RSPH3: variants seen among roughly 807,000 people sequenced by gnomAD.
RSPH3 encodes radial spoke head protein 3 homolog.
A neutral mutation model predicts 43.8 loss-of-function variants in RSPH3; 21 were observed. The observed-to-expected ratio is 0.48, with a 90% CI of 0.34 to 0.69. The LOEUF is 0.69. Ranked by LOEUF, RSPH3 falls within the 30% of genes least tolerant of loss-of-function variation. The pLI is 0.01. For missense variants in RSPH3, 487 were observed against 516.0 expected (o/e 0.94, Z 0.54); for synonymous variants, 173 against 179.8 (o/e 0.96, Z 0.30).
intron 6 of RSPH3, 67 bp downstream of exon 6, chr6:158,980,707 G>A: frequency 1.6e-6 from 2 of 1,264,754 alleles, no homozygotes; most frequent in South Asian, 2.7e-5. Context: ...ATGGACATAA[G>A]ATAAATTTGA....
intron 2 of RSPH3, among the ~76,000 whole-genome samples, chr6:158,993,126 CT>C (rs371960773): frequency 0.018 from 2,719 of 147,234 alleles, 34 homozygotes; most frequent in Middle Eastern, 0.025. Context: ...AAAATTGGGG[CT>C]TTTTTTTTTG....
chr6:158,990,183 TTA>T (rs149608030), intron 2 of RSPH3, among the ~76,000 whole-genome samples: 4 of 150,502 alleles, frequency 2.7e-5, no homozygotes, highest in South Asian at 2.1e-4. Context: ...AAACTCTCCT[TTA>T]TATATATATA....
In RSPH3 at chr6:158,977,229, C is replaced by T. The variant is rs780912835; in HGVS notation, c.*309G>A. The T allele has an allele frequency of 1.3e-4, 37 of 281,922 alleles. No individual in the cohort carries two copies. Among genetic ancestry groups the T allele is most frequent in the African/African-American group, 6.6e-4 (30 of 45,454 alleles). The allele number at this position is 281,922 out of a possible 1,614,324, so 17.5% of individuals were successfully genotyped here. ...ATACTTACTAAAAAAAACTAACCCGCAAAATTAGAAGGGCTAAGGAAAAAT... is the reference window on the plus strand; with the variant it reads ...ATACTTACTAAAAAAAACTAACCCGTAAAATTAGAAGGGCTAAGGAAAAAT... On this transcript the variant is annotated 3_prime_UTR_variant, in exon 8 of 8. Coordinates refer to ENST00000367069, the MANE Select transcript of RSPH3 (RefSeq NM_031924.8).
intron 3 of RSPH3, among the ~76,000 whole-genome samples, chr6:158,984,578 C>T (rs1407479705): frequency 6.6e-6 from 1 of 150,474 alleles, no homozygotes; most frequent in East Asian, 2.0e-4. Flanking sequence ...CTCTACACTA[C>T]AGATTATAAA....
rs1300418942 is a variant in RSPH3, at chr6:158,984,434, T to TTTTATATATATATATACATATA, written c.347-628_347-627insTATATGTATATATATATATAAA. 5.8e-4 allele frequency among the ~76,000 whole-genome samples: 37 copies of TTTTATATATATATATACATATA among 63,650 alleles called. 2 individuals are homozygous for TTTTATATATATATATACATATA. The highest frequency in any genetic ancestry group is 2.7e-3 in the African/African-American group (33 of 12,298). The allele number at this position is 63,650 out of a possible 152,430, so 41.8% of individuals were successfully genotyped here. On this transcript the variant is annotated intron_variant, in intron 3 of 7. Transcript: ENST00000367069. ...AGTACAACAGTGGATAAAAAGTCAATTATATATATATATATATATATATAT... is the reference window on the plus strand; with the variant it reads ...AGTACAACAGTGGATAAAAAGTCAATTTTATATATATATATACATATATATATATATATATATATATATATAT...
At chr6:158,996,527 C>A (rs976415769) in intron 1 of RSPH3, among the ~76,000 whole-genome samples, 3 of 152,174 alleles carry the variant, frequency 2.0e-5, no homozygotes, top group African/African-American at 7.2e-5. Context: ...CTAAGTAAAA[C>A]TTCACAGCTT....
Position 158,983,666 on chromosome 6 carries a change from CCTT to C in RSPH3, c.485_487del (p.Glu162del), listed in dbSNP as rs775700308. ...AGCCCAAAGGATGTACTGTACCTCT[CCTT>C]CTAGTATTTGGGTGGCCACATCTTT... On this transcript the variant is annotated inframe_deletion, in exon 4 of 8. Coordinates refer to ENST00000367069, the MANE Select transcript of RSPH3 (RefSeq NM_031924.8). The C allele has an allele frequency of 1.2e-6, 2 of 1,612,450 alleles. No individual in the cohort carries two copies. The highest frequency in any genetic ancestry group is 2.7e-5 in the African/African-American group (2 of 74,862).
chr6:158,967,615 A>G, the RSPH3 span, among the ~76,000 whole-genome samples: 1 of 152,132 alleles, frequency 6.6e-6, no homozygotes, highest in African/African-American at 2.4e-5. Context: ...TTTATAATAT[A>G]TTTCACATCA....
At chr6:158,988,009 C>T (rs4709255) in intron 2 of RSPH3, among the ~76,000 whole-genome samples, 20,099 of 152,150 alleles carry the variant, frequency 0.13, 2,047 homozygotes, top group East Asian at 0.41. Context: ...TTTTTTGTTG[C>T]TGTTGTTCAG....
rs779869211 is a variant in RSPH3, at chr6:158,977,762, G to A, written c.1033C>T (p.Pro345Ser). 1.2e-6 allele frequency: 2 copies of A among 1,613,932 alleles called. No individual in the cohort carries two copies. Among genetic ancestry groups the A allele is most frequent in the African/African-American group, 2.7e-5 (2 of 74,902 alleles). Residue 345 changes from proline (P) to serine (S), a missense_variant, in exon 8 of 8, where the codon CCT (proline) becomes TCT (serine). Transcript: ENST00000367069. ...TCTGTCATTGCTCCAGGACCACCAGGCTCATCCTCGGGTTCTGGAGACTGA... is the reference window on the plus strand; with the variant it reads ...TCTGTCATTGCTCCAGGACCACCAGACTCATCCTCGGGTTCTGGAGACTGA... ...THQSPEPEDE[P>S]GGPGAMTESL...
At position 158,984,434 on chromosome 6, in the gene RSPH3, T is replaced by TTTTATATATATATATA. The variant is rs1300418942; in HGVS notation, c.347-628_347-627insTATATATATATATAAA. On this transcript the variant is annotated intron_variant, in intron 3 of 7. Transcript: ENST00000367069. The stretch of plus-strand genomic sequence containing the variant: ...AGTACAACAGTGGATAAAAAGTCAA[T>TTTTATATATATATATA]TATATATATATATATATATATATAT... Among the ~76,000 whole-genome samples the TTTTATATATATATATA allele has an allele frequency of 7.9e-3, 501 of 63,602 alleles. 30 individuals are homozygous for TTTTATATATATATATA. Among genetic ancestry groups the TTTTATATATATATATA allele is most frequent in the East Asian group, 0.02 (34 of 1,736 alleles). The allele number at this position is 63,602 out of a possible 152,430, so 41.7% of individuals were successfully genotyped here. A position where few individuals can be genotyped will look rare whatever the true frequency, so the allele number is the denominator to read the frequency against.
At chr6:158,998,875 C>T (rs1778731252) in intron 1 of RSPH3, among the ~76,000 whole-genome samples, 1 of 151,106 alleles carries the variant, frequency 6.6e-6, no homozygotes, top group African/African-American at 2.5e-5. Flanking sequence ...CGTCTCAAAA[C>T]AACAACAGCA....
At chr6:158,985,814 C>CT (rs760654106) in intron 3 of RSPH3, among the ~76,000 whole-genome samples, 2,159 of 146,726 alleles carry the variant, frequency 0.015, 27 homozygotes, top group Non-Finnish European at 0.021. Context: ...CTCTCTCTCT[C>CT]TCTTTTTTTT....
In RSPH3 at chr6:158,992,101, T is replaced by C. The variant is rs184719104; in HGVS notation, c.204+1738A>G. On this transcript the variant is annotated intron_variant, in intron 2 of 7. Coordinates refer to ENST00000367069, the MANE Select transcript of RSPH3 (RefSeq NM_031924.8). ...CAGGGTCTCATTCTGGGAACATACC[T>C]TAGGTGGGTTCTTCACATCCCTCAT... is the stretch of plus-strand genomic sequence containing the variant. 3.0e-3 allele frequency among the ~76,000 whole-genome samples: 440 copies of C among 147,060 alleles called. 4 individuals carry two copies. Among genetic ancestry groups the C allele is most frequent in the African/African-American group, 0.011 (422 of 40,084 alleles).
At chr6:158,966,945 A>G in the RSPH3 span, among the ~76,000 whole-genome samples, 1 of 151,362 alleles carries the variant, frequency 6.6e-6, no homozygotes, top group African/African-American at 2.4e-5. Context: ...TTTTAAATAT[A>G]GACTTTCAGA....
Position 158,982,563 on chromosome 6 carries a change from C to G in RSPH3, c.618G>C (p.Glu206Asp). 2 of 1,613,844 alleles carry G rather than the reference C, an allele frequency of 1.2e-6. No homozygotes were observed. The highest frequency in any genetic ancestry group is 1.7e-6 in the Non-Finnish European group (2 of 1,179,982). Residue 206 changes from glutamate (E) to aspartate (D), a missense_variant, in exon 5 of 8, where the codon GAG becomes GAC. Physicochemically the swap from Glu to Asp is conservative, Grantham distance 45 (BLOSUM62 2). Transcript: ENST00000367069. Reference protein sequence around the residue: ...ELANLRASQREYEELRNSERA... With the variant: ...ELANLRASQRDYEELRNSERA... Reference sequence around the variant, plus strand: ...GTTCACTATTCCGTAGTTCTTCATACTCACGCTGACTGGCCCGCAGGTTAG... The same window carrying G: ...GTTCACTATTCCGTAGTTCTTCATAGTCACGCTGACTGGCCCGCAGGTTAG...
intron 6 of RSPH3, among the ~76,000 whole-genome samples, chr6:158,980,428 CAAA>C (rs201038721): frequency 2.3e-4 from 26 of 111,780 alleles, no homozygotes; most frequent in Admixed American, 1.0e-3. Context: ...GACTCTGTCT[CAAA>C]AAAAAAAAAA....
Position 158,993,890 on chromosome 6 carries a change from A to T in RSPH3, c.153T>A (p.Tyr51Ter). 1.2e-6 allele frequency: 2 copies of T among 1,612,324 alleles called. No individual in the cohort carries two copies. The highest frequency in any genetic ancestry group is 1.7e-6 in the Non-Finnish European group (2 of 1,178,484). ...EEPMHYGNIMYDRRVIRGNTY... is the reference protein window; with the variant it reads ...EEPMHYGNIM Reference sequence around the variant, plus strand: ...TGTTACCTCGAATTACCCTTCTGTCATACATTATGTTTCCATAATGCATAG... The same window carrying T: ...TGTTACCTCGAATTACCCTTCTGTCTTACATTATGTTTCCATAATGCATAG... Residue 51 changes from tyrosine to a stop codon, truncating the protein, a stop_gained, in exon 2 of 8, where the codon TAT (tyrosine) becomes TAA (stop). Coordinates refer to ENST00000367069, the MANE Select transcript of RSPH3 (RefSeq NM_031924.8). LOFTEE classifies it high-confidence loss of function.
At position 158,999,866 on chromosome 6, in the gene RSPH3, A is replaced by C. The variant is rs780026125; in HGVS notation, c.-316T>G. 5.6e-6 allele frequency: 9 copies of C among 1,613,660 alleles called. No homozygotes were observed. Among genetic ancestry groups the C allele is most frequent in the Non-Finnish European group, 7.6e-6 (9 of 1,179,948 alleles). ...CAGGTTTCCCGGGAAGGACTGCGGCACAAGGGACTTCCGGCTCTTGACTCC... is the reference window on the plus strand; with the variant it reads ...CAGGTTTCCCGGGAAGGACTGCGGCCCAAGGGACTTCCGGCTCTTGACTCC... On this transcript the variant is annotated 5_prime_UTR_variant, in exon 1 of 8. Transcript: ENST00000367069.
Sources: allele counts gnomAD v4.1 joint callset (sites outside exome capture counted in the v4.1 genomes callset), GRCh38; gene constraint gnomAD v4.1.1; transcripts MANE v1.5; gene names NCBI Gene and HGNC (gene_info 2026-07-23, HGNC 2026-07-21).